Variants in ROBO2 observed in about 807,000 individuals in gnomAD.
The protein encoded by ROBO2 is roundabout guidance receptor 2, also known as roundabout homolog 2.
Under a neutral mutation model 160.8 loss-of-function variants are expected in ROBO2, and 53 were observed. The ratio of observed to expected loss-of-function variants is 0.33; its 90% confidence interval spans 0.26 to 0.41. The LOEUF (loss-of-function observed/expected upper bound fraction) is 0.41. ROBO2 is among the 10% of genes least tolerant of loss of function. The pLI is 1.00. For missense variants in ROBO2, 1,577 were observed against 1,722.4 expected, an observed-to-expected ratio of 0.92 and a Z score of 1.49; for synonymous variants, 664 against 611.7, an observed-to-expected ratio of 1.09 and a Z score of -1.26.
At chr3:77,003,286 T>C (rs2061419907) in intron 2 of ROBO2, among the ~76,000 whole-genome samples, 1 of 152,152 alleles carries the variant, frequency 6.6e-6, no homozygotes, top group Non-Finnish European at 1.5e-5. Flanking sequence ...GACACCTCCA[T>C]ATCCAGGAAG....
At chr3:77,089,506 G>C (rs1232156553) in intron 1 of ROBO2, among the ~76,000 whole-genome samples, 1 of 151,968 alleles carries the variant, frequency 6.6e-6, no homozygotes, top group Admixed American at 6.6e-5. Context: ...TTTAGTTTTA[G>C]GACACTGAAA....
chr3:76,053,563 T>C (rs1355537252), intron 2 of ROBO2, among the ~76,000 whole-genome samples: 3 of 152,084 alleles, frequency 2.0e-5, no homozygotes, highest in African/African-American at 4.8e-5. Flanking sequence ...ATTTAAACAA[T>C]TATTTCATAT....
At chr3:77,517,168 AT>A (rs2090113021) in intron 5 of ROBO2, among the ~76,000 whole-genome samples, 1 of 151,680 alleles carries the variant, frequency 6.6e-6, no homozygotes, top group Non-Finnish European at 1.5e-5. Context: ...AAAGAAAGTA[AT>A]TTTTTAAAAG....
chr3:76,802,721 C>G (rs1466024376), intron 2 of ROBO2, among the ~76,000 whole-genome samples: 1 of 137,432 alleles, frequency 7.3e-6, no homozygotes, highest in Non-Finnish European at 1.6e-5. Flanking sequence ...GAGCGAGACT[C>G]CGTCTCAAAA....
At chr3:76,561,507 A>G (rs1372516817) in intron 2 of ROBO2, among the ~76,000 whole-genome samples, 1 of 152,180 alleles carries the variant, frequency 6.6e-6, no homozygotes, top group Non-Finnish European at 1.5e-5. Flanking sequence ...CTTGCCATAA[A>G]TAACTGATTA....
intron 2 of ROBO2, among the ~76,000 whole-genome samples, chr3:76,346,834 G>T (rs989635990): frequency 1.7e-4 from 26 of 152,106 alleles, no homozygotes; most frequent in African/African-American, 4.8e-4. Context: ...CAACATGAAA[G>T]CAAAATAAAT....
intron 2 of ROBO2, among the ~76,000 whole-genome samples, chr3:76,818,315 C>T (rs747827240): frequency 6.6e-6 from 1 of 151,818 alleles, no homozygotes; most frequent in African/African-American, 2.4e-5. Context: ...CTATTCCTGT[C>T]CTTATCCCAC....
At chr3:76,203,013 A>T (rs965328224) in intron 2 of ROBO2, among the ~76,000 whole-genome samples, 12 of 151,214 alleles carry the variant, frequency 7.9e-5, no homozygotes, top group Non-Finnish European at 1.5e-4. Context: ...CCTAAAATAT[A>T]TTGAATAACT....
intron 2 of ROBO2, among the ~76,000 whole-genome samples, chr3:76,622,226 G>GAAA (rs1560251683): frequency 9.4e-4 from 51 of 54,306 alleles, no homozygotes; most frequent in East Asian, 3.9e-3. Flanking sequence ...AAGGAAGGAA[G>GAAA]GAAGGAAGGA....
In ROBO2 at chr3:76,940,148, A is replaced by AT. The variant is rs1287762280; in HGVS notation, c.110-157859dup. 2.0e-5 allele frequency among the ~76,000 whole-genome samples: 3 copies of AT among 151,510 alleles called. No homozygotes were observed. In the East Asian group the frequency reaches 5.9e-4, roughly 30 times the overall value. On this transcript the variant is annotated intron_variant, in intron 2 of 26. Transcript: ENST00000487694. Reference sequence around the variant, plus strand: ...AGGCGCCCGCCACCACGCCCGGGTAATTTTTTTGTATTTTTAGTAGAGACG... The same window carrying AT: ...AGGCGCCCGCCACCACGCCCGGGTAATTTTTTTTGTATTTTTAGTAGAGACG...
At chr3:77,181,618 A>G (rs1251991087) in intron 2 of ROBO2, among the ~76,000 whole-genome samples, 1 of 152,118 alleles carries the variant, frequency 6.6e-6, no homozygotes, top group East Asian at 1.9e-4. Flanking sequence ...TGCAGAAATT[A>G]AAGAGCAGAG....
chr3:77,527,612 C>A (rs116795270), intron 6 of ROBO2, among the ~76,000 whole-genome samples, 198 bp downstream of exon 7: 1 of 151,186 alleles, frequency 6.6e-6, no homozygotes, highest in African/African-American at 2.4e-5. Flanking sequence ...TGCTACATAG[C>A]AATAAGTAGG....
chr3:77,015,755 G>A (rs1390686256), intron 2 of ROBO2, among the ~76,000 whole-genome samples: 1 of 152,080 alleles, frequency 6.6e-6, no homozygotes, highest in East Asian at 1.9e-4. Context: ...CAGCATCACA[G>A]TTACCTGCCC....
chr3:76,019,655 G>T (rs1297648983), intron 2 of ROBO2, among the ~76,000 whole-genome samples: 1 of 151,854 alleles, frequency 6.6e-6, no homozygotes, highest in Non-Finnish European at 1.5e-5. Flanking sequence ...GCGTATCTGA[G>T]AATACTGTGT....
At chr3:77,451,568 A>G (rs1385004187) in intron 2 of ROBO2, among the ~76,000 whole-genome samples, 2 of 152,000 alleles carry the variant, frequency 1.3e-5, no homozygotes, top group Non-Finnish European at 2.9e-5. Flanking sequence ...AGTTTTATTT[A>G]ATATATATTA....
intron 2 of ROBO2, among the ~76,000 whole-genome samples, chr3:77,146,157 T>A (rs750157085): frequency 6.6e-6 from 1 of 152,180 alleles, no homozygotes; most frequent in Non-Finnish European, 1.5e-5. Context: ...CTGTCAGTAG[T>A]GTGCCACAAT....
At chr3:76,727,509 G>C (rs1486635021) in intron 2 of ROBO2, among the ~76,000 whole-genome samples, 2 of 152,040 alleles carry the variant, frequency 1.3e-5, no homozygotes, top group African/African-American at 4.8e-5. Flanking sequence ...CTAATGTACT[G>C]AGAATAAAAA....
intron 2 of ROBO2, among the ~76,000 whole-genome samples, chr3:76,719,875 CTG>C (rs2093437896): frequency 1.4e-5 from 1 of 71,490 alleles, no homozygotes; most frequent in Non-Finnish European, 2.8e-5. Context: ...CAGAGTGAGA[CTG>C]TGTCTCAAAA....
At chr3:77,167,725 C>CA (rs1444411383) in intron 2 of ROBO2, among the ~76,000 whole-genome samples, 1 of 152,100 alleles carries the variant, frequency 6.6e-6, no homozygotes, top group African/African-American at 2.4e-5. Flanking sequence ...AGTACTGTTA[C>CA]AAAGGTTAAT....
Sources: allele counts gnomAD v4.1 joint callset (sites outside exome capture counted in the v4.1 genomes callset), GRCh38; gene constraint gnomAD v4.1.1; transcripts MANE v1.5; gene names NCBI Gene and HGNC (gene_info 2026-07-23, HGNC 2026-07-21).